The following HIBCH variants were observed in gnomAD, a reference collection of about 807,000 sequenced individuals.
The protein encoded by HIBCH is 3-hydroxyisobutyryl-CoA hydrolase.
In HIBCH, 50 loss-of-function variants were observed where a neutral mutation model predicts 58.2. The ratio of observed to expected loss-of-function variants is 0.86; its 90% CI spans 0.68 to 1.09. The LOEUF is 1.09. HIBCH is among the 50% of genes least tolerant of loss of function. The pLI, the probability that HIBCH is intolerant of heterozygous loss-of-function variation, is 0.00. For synonymous variants in HIBCH, 151 were observed against 146.9 expected (o/e 1.03, Z -0.20); for missense variants, 450 against 449.7 (o/e 1.00, Z -0.01).
At chr2:190,205,839 C>T (rs1020800564) in intron 13 of HIBCH, among the ~76,000 whole-genome samples, 2 of 152,026 alleles carry the variant, frequency 1.3e-5, no homozygotes, top group Non-Finnish European at 2.9e-5. Context: ...AGTATCCCCA[C>T]AGGATTATGA....
intron 11 of HIBCH, chr2:190,220,572 G>A (rs1258839058): frequency 6.6e-6 from 1 of 151,904 alleles, no homozygotes; most frequent in Non-Finnish European, 1.5e-5. Context: ...TGCCCTAGGT[G>A]CTTTATGAAC....
At chr2:190,221,828 G>A (rs1484600927) in intron 11 of HIBCH, among the ~76,000 whole-genome samples, 1 of 152,150 alleles carries the variant, frequency 6.6e-6, no homozygotes, top group African/African-American at 2.4e-5. Context: ...CTTTGGAGAG[G>A]AATCTGGCCA....
chr2:190,307,831 T>C (rs1352630899), intron 2 of HIBCH, among the ~76,000 whole-genome samples: 1 of 152,248 alleles, frequency 6.6e-6, no homozygotes, highest in African/African-American at 2.4e-5. Flanking sequence ...ACAAACCTTA[T>C]ATGCAGAAAT....
chr2:190,317,220 G>A (rs1688726827), intron 1 of HIBCH, among the ~76,000 whole-genome samples: 1 of 152,198 alleles, frequency 6.6e-6, no homozygotes, highest in African/African-American at 2.4e-5. Flanking sequence ...CCTCTCTGAT[G>A]AGGCTTCCTG....
intron 6 of HIBCH, among the ~76,000 whole-genome samples, chr2:190,270,882 G>A (rs185175230): frequency 1.9e-3 from 282 of 151,954 alleles, no homozygotes; most frequent in South Asian, 7.1e-3. Flanking sequence ...TATTTTAATG[G>A]ACTAACACAT....
chr2:190,194,043 G>A (rs1457829773), intron 1 of HIBCH, among the ~76,000 whole-genome samples: 1 of 151,980 alleles, frequency 6.6e-6, no homozygotes, highest in Non-Finnish European at 1.5e-5. Flanking sequence ...TGTCCCATGG[G>A]TTATTTAGAA....
chr2:190,224,604 A>T (rs1230036231), intron 11 of HIBCH, among the ~76,000 whole-genome samples: 1 of 152,212 alleles, frequency 6.6e-6, no homozygotes, highest in East Asian at 1.9e-4. Flanking sequence ...ATATATATGC[A>T]CCCAATACAG....
At chr2:190,233,383 G>A (rs945699488) in intron 11 of HIBCH, among the ~76,000 whole-genome samples, 1 of 152,112 alleles carries the variant, frequency 6.6e-6, no homozygotes, top group Non-Finnish European at 1.5e-5. Flanking sequence ...AAAGGTAATT[G>A]AATCACATGG....
At chr2:190,319,573 G>C in intron 1 of HIBCH, 143 bp downstream of exon 1, 1 of 717,146 alleles carries the variant, frequency 1.4e-6, no homozygotes, top group Non-Finnish European at 2.5e-6. Context: ...GGGGCTTGGG[G>C]AGGGCCAAGG....
intron 2 of HIBCH, among the ~76,000 whole-genome samples, chr2:190,300,219 T>C (rs2582748): frequency 0.084 from 12,851 of 152,264 alleles, 1,123 homozygotes; most frequent in African/African-American, 0.22. Context: ...CAGTTCTGTT[T>C]TTAGCTCTTT....
chr2:190,223,651 G>A (rs1275722857), intron 11 of HIBCH, among the ~76,000 whole-genome samples: 1 of 152,258 alleles, frequency 6.6e-6, no homozygotes, highest in African/African-American at 2.4e-5. Context: ...GAGGAGGCAG[G>A]AAAGGATAGA....
At chr2:190,278,297 C>A (rs112567852) in intron 6 of HIBCH, among the ~76,000 whole-genome samples, 1 of 152,064 alleles carries the variant, frequency 6.6e-6, no homozygotes, top group African/African-American at 2.4e-5. Flanking sequence ...CTCCACCTCC[C>A]GGGTTCAAGC....
chr2:190,202,458 TAAG>T (rs1690276317), downstream of HIBCH: 1 of 166,846 alleles, frequency 6.0e-6, no homozygotes, highest in Non-Finnish European at 1.5e-5. Flanking sequence ...AATAAATGAA[TAAG>T]AGAGATGAAT....
chr2:190,287,289 T>C (rs1038399068), intron 6 of HIBCH, among the ~76,000 whole-genome samples: 1 of 152,204 alleles, frequency 6.6e-6, no homozygotes, highest in South Asian at 2.1e-4. Context: ...CTCAAACTCC[T>C]GACCTCAAGT....
chr2:190,292,536 C>A (rs1488107098), intron 4 of HIBCH, among the ~76,000 whole-genome samples: 1 of 152,242 alleles, frequency 6.6e-6, no homozygotes. Flanking sequence ...GTCTCGAACT[C>A]TTGAGCTCAG....
In HIBCH at chr2:190,203,957, A is replaced by AT. The variant is rs1690325708; in HGVS notation, c.*1159dup. Reference sequence around the variant, plus strand: ...AAATTTATTTTGTTTATAAACAAAAATTACAAACAAAAAATTATAAATTTT... The same window carrying AT: ...AAATTTATTTTGTTTATAAACAAAAATTTACAAACAAAAAATTATAAATTTT... On this transcript the variant is annotated 3_prime_UTR_variant, in exon 14 of 14. Transcript: ENST00000359678. 1 of 152,094 alleles carries AT rather than the reference A, an allele frequency of 6.6e-6. No homozygotes were observed. Among genetic ancestry groups the AT allele is most frequent in the South Asian group, 2.1e-4 (1 of 4,834 alleles). The allele number at this position is 152,094 out of a possible 1,614,324, so 9.4% of individuals were successfully genotyped here. A position where few individuals can be genotyped will look rare whatever the true frequency, so the allele number is the denominator to read the frequency against.
At position 190,241,408 on chromosome 2, in the gene HIBCH, A is replaced by C. The variant is rs189696767; in HGVS notation, c.891+3479T>G. Among the ~76,000 whole-genome samples the C allele has an allele frequency of 7.9e-5, 12 of 151,788 alleles. No homozygotes were observed. In the East Asian group the frequency reaches 2.3e-3, roughly 29 times the overall value. On this transcript the variant is annotated intron_variant, in intron 11 of 13. Transcript: ENST00000359678. ...GAATCCAGCACACCAATGGGTCTTG[A>C]CTCTTTATCCAATTTGCTAGTCTGT...
intron 2 of HIBCH, among the ~76,000 whole-genome samples, chr2:190,303,499 G>A (rs1295536178): frequency 6.6e-6 from 1 of 151,118 alleles, no homozygotes; most frequent in East Asian, 1.9e-4. Context: ...AAGCCAAAAT[G>A]AAGGAATTCC....
intron 1 of HIBCH, among the ~76,000 whole-genome samples, chr2:190,314,402 CGT>C (rs1688660671): frequency 7.0e-6 from 1 of 142,110 alleles, no homozygotes; most frequent in Non-Finnish European, 1.5e-5. Context: ...TATATATATA[CGT>C]ATATATGTGT....
Sources: allele counts gnomAD v4.1 joint callset (sites outside exome capture counted in the v4.1 genomes callset), GRCh38; gene constraint gnomAD v4.1.1; transcripts MANE v1.5; gene names NCBI Gene and HGNC (gene_info 2026-07-23, HGNC 2026-07-21).